Variants in KLF13 observed in about 807,000 individuals in gnomAD.
KLF13 encodes the protein Krueppel-like factor 13.
KLF13 carries 8 observed loss-of-function variants against 16.7 expected under a neutral mutation model. The ratio of observed to expected loss-of-function variants is 0.48; its 90% confidence interval spans 0.28 to 0.87. The LOEUF (loss-of-function observed/expected upper bound fraction) is 0.87. KLF13 is among the 40% of genes least tolerant of loss of function. The pLI, the probability that KLF13 is intolerant of heterozygous loss-of-function variation, is 0.10. For missense variants in KLF13, 447 were observed against 452.2 expected, an observed-to-expected ratio of 0.99 and a Z score of 0.10; for synonymous variants, 245 against 208.4, an observed-to-expected ratio of 1.18 and a Z score of -1.51.
At chr15:31,327,812 C>T (rs766229017) in intron 1 of KLF13, 23 bp downstream of exon 1, 4 of 1,440,014 alleles carry the variant, frequency 2.8e-6, no homozygotes, top group South Asian at 1.4e-5. Context: ...GCGCGGGCGC[C>T]CGGATCGCGC....
At chr15:31,352,631 T>G (rs576665310) in intron 1 of KLF13, among the ~76,000 whole-genome samples, 1 of 152,332 alleles carries the variant, frequency 6.6e-6, no homozygotes, top group East Asian at 1.9e-4. Context: ...AGGAGCAGTA[T>G]CTTCAGGGCT....
intron 1 of KLF13, chr15:31,339,901 C>G (rs1418033251): frequency 3.1e-5 from 22 of 701,448 alleles, no homozygotes; most frequent in Non-Finnish European, 1.8e-5. Flanking sequence ...CAGGCCTGAC[C>G]CTTCACCTTG....
At chr15:31,358,337 C>A (rs1279368249) in intron 1 of KLF13, among the ~76,000 whole-genome samples, 1 of 152,198 alleles carries the variant, frequency 6.6e-6, no homozygotes, top group Admixed American at 6.5e-5. Flanking sequence ...ACATCGTTTT[C>A]CCAAGTGGCT....
intron 1 of KLF13, among the ~76,000 whole-genome samples, chr15:31,330,345 C>G (rs941470789): frequency 1.3e-5 from 2 of 152,198 alleles, no homozygotes; most frequent in African/African-American, 4.8e-5. Context: ...GTGCCCCCGC[C>G]CCACTTCCCG....
intron 1 of KLF13, among the ~76,000 whole-genome samples, chr15:31,383,924 TAAA>T (rs377713929): frequency 2.6e-5 from 2 of 75,882 alleles, no homozygotes; most frequent in African/African-American, 1.6e-4. Context: ...AATAAATAAA[TAAA>T]ATAAAATAAA....
chr15:31,421,458 T>G (rs1344442590), intron 1 of KLF13, among the ~76,000 whole-genome samples: 1 of 152,174 alleles, frequency 6.6e-6, no homozygotes, highest in African/African-American at 2.4e-5. Flanking sequence ...TTATCAAACT[T>G]TGTTAATGAA....
intron 1 of KLF13, among the ~76,000 whole-genome samples, chr15:31,358,472 C>T (rs142983011): frequency 5.6e-4 from 86 of 152,290 alleles, no homozygotes; most frequent in African/African-American, 2.0e-3. Flanking sequence ...AGTGATATCT[C>T]GTTGTAATTT....
chr15:31,366,888 A>G (rs950501398), intron 1 of KLF13, among the ~76,000 whole-genome samples: 6 of 152,258 alleles, frequency 3.9e-5, no homozygotes, highest in African/African-American at 9.6e-5. Flanking sequence ...TTTCATAACA[A>G]TAGCACTGTT....
intron 1 of KLF13, chr15:31,366,508 C>G (rs1025677879): frequency 1.3e-5 from 2 of 152,308 alleles, no homozygotes; most frequent in African/African-American, 4.8e-5. Context: ...CTGGAATCTC[C>G]TACTGGTTCT....
intron 1 of KLF13, among the ~76,000 whole-genome samples, chr15:31,364,386 C>G (rs527623563): frequency 6.6e-6 from 1 of 152,238 alleles, no homozygotes; most frequent in Non-Finnish European, 1.5e-5. Flanking sequence ...CCAGCTCTTG[C>G]ATGTGAAGAG....
chr15:31,402,284 T>C (rs1209386546), intron 2 of KLF13, among the ~76,000 whole-genome samples: 1 of 152,018 alleles, frequency 6.6e-6, no homozygotes, highest in African/African-American at 2.4e-5. Flanking sequence ...GAAAGGAAGA[T>C]GAGGTTTAGA....
At chr15:31,342,338 T>C (rs2140940162) in intron 1 of KLF13, among the ~76,000 whole-genome samples, 1 of 152,262 alleles carries the variant, frequency 6.6e-6, no homozygotes, top group Admixed American at 6.5e-5. Context: ...CACTGGGCAG[T>C]CTTGGGTGAG....
rs1375679625 is a variant in KLF13, at chr15:31,376,840, GC to G, written c.*4543del. 6.6e-6 allele frequency: 1 copy of G among 152,562 alleles called. No homozygotes were observed. The highest frequency in any genetic ancestry group is 2.4e-5 in the African/African-American group (1 of 41,424). 9.5% of individuals were successfully genotyped at this position (152,562 alleles called of 1,614,324 possible). A position where few individuals can be genotyped will look rare whatever the true frequency, so the allele number is the denominator to read the frequency against. On this transcript the variant is annotated 3_prime_UTR_variant, in exon 2 of 2. Transcript: ENST00000307145. ...ATGAAGATTTCAGACTTGCAGTGCG[GC>G]CACCTGGCCCTGCCCTGCCTCTCTC... is the stretch of plus-strand genomic sequence containing the variant.
At chr15:31,356,065 T>C (rs1211709462) in intron 1 of KLF13, among the ~76,000 whole-genome samples, 2 of 152,100 alleles carry the variant, frequency 1.3e-5, no homozygotes, top group Non-Finnish European at 2.9e-5. Flanking sequence ...TGGGGGTACA[T>C]GTGCAGGTTT....
intron 1 of KLF13, among the ~76,000 whole-genome samples, chr15:31,333,227 AG>A (rs1273250107): frequency 6.6e-6 from 1 of 152,184 alleles, no homozygotes; most frequent in African/African-American, 2.4e-5. Flanking sequence ...AAGGAAGCTA[AG>A]GCTCCAGTGC....
upstream of KLF13, among the ~76,000 whole-genome samples, chr15:31,391,595 C>A (rs1271355945): frequency 6.6e-6 from 1 of 151,986 alleles, no homozygotes; most frequent in African/African-American, 2.4e-5. Context: ...GGGATTGCCC[C>A]CCACCCCGCC....
chr15:31,357,581 CAGCACTCT>C (rs948453625), intron 1 of KLF13, among the ~76,000 whole-genome samples: 2 of 152,192 alleles, frequency 1.3e-5, no homozygotes, highest in Non-Finnish European at 2.9e-5. Flanking sequence ...AGCTGGGAGG[CAGCACTCT>C]GTGAGTGGGC....
chr15:31,333,126 A>T (rs2038861852), intron 1 of KLF13, among the ~76,000 whole-genome samples: 1 of 151,316 alleles, frequency 6.6e-6, no homozygotes, highest in African/African-American at 2.5e-5. Flanking sequence ...GGGGCCAGGC[A>T]TCATTCTGTT....
intron 1 of KLF13, among the ~76,000 whole-genome samples, chr15:31,358,029 TTCCTGTTAGGCCTTTGG>T (rs1395917533): frequency 2.6e-5 from 4 of 152,176 alleles, no homozygotes; most frequent in Non-Finnish European, 5.9e-5. Flanking sequence ...TTATCCAGAG[TTCCTGTTAGGCCTTTGG>T]TCCAGTGCAG....
Sources: allele counts gnomAD v4.1 joint callset (sites outside exome capture counted in the v4.1 genomes callset), GRCh38; gene constraint gnomAD v4.1.1; transcripts MANE v1.5; gene names NCBI Gene and HGNC (gene_info 2026-07-23, HGNC 2026-07-21).